The following ADD1 variants were observed in gnomAD, a reference collection of about 807,000 sequenced individuals.
ADD1 encodes the protein adducin 1.
In ADD1, 24 loss-of-function variants were observed where a neutral mutation model predicts 80.5. The ratio of observed to expected loss-of-function variants is 0.30; its 90% CI spans 0.22 to 0.42. ADD1 has a LOEUF of 0.42. Among genes scored for constraint, ADD1 ranks in the 10% least tolerant of loss-of-function variants. ADD1 has a pLI of 1.00. For synonymous variants in ADD1, 373 were observed against 393.8 expected (o/e 0.95, Z 0.63); for missense variants, 948 against 1,019.0 (o/e 0.93, Z 0.95).
intron 1 of ADD1, among the ~76,000 whole-genome samples, chr4:2,859,872 T>G (rs564270257): frequency 6.6e-6 from 1 of 152,316 alleles, no homozygotes; most frequent in South Asian, 2.1e-4. Context: ...ATGACATACT[T>G]TTCCATCTTA....
chr4:2,885,558 C>T (rs899097454), intron 4 of ADD1, among the ~76,000 whole-genome samples: 8 of 151,870 alleles, frequency 5.3e-5, no homozygotes, highest in African/African-American at 1.9e-4. Context: ...AATGTCTTGC[C>T]TTCTGCCTGT....
At chr4:2,869,397 G>GT (rs1460440836) in intron 1 of ADD1, among the ~76,000 whole-genome samples, 1 of 152,168 alleles carries the variant, frequency 6.6e-6, no homozygotes, top group African/African-American at 2.4e-5. Context: ...CTCCCTGTGC[G>GT]TGTCTCTTTG....
chr4:2,921,184 G>C (rs141085627), intron 14 of ADD1, among the ~76,000 whole-genome samples: 1,765 of 152,210 alleles, frequency 0.012, 46 homozygotes, highest in African/African-American at 0.039. Context: ...CTGGAGTGCA[G>C]TGGCGTGATC....
chr4:2,856,098 G>A (rs1728022018), intron 1 of ADD1, among the ~76,000 whole-genome samples: 1 of 148,838 alleles, frequency 6.7e-6, no homozygotes, highest in African/African-American at 2.5e-5. Context: ...CTATTATGTT[G>A]CCCAGGCTGG....
chr4:2,917,524 C>T (rs1177760538), intron 14 of ADD1, among the ~76,000 whole-genome samples: 1 of 152,138 alleles, frequency 6.6e-6, no homozygotes, highest in Non-Finnish European at 1.5e-5. Flanking sequence ...TGCAGAAGCT[C>T]TTTAGTTTAA....
chr4:2,915,068 C>A, intron 14 of ADD1, 28 bp downstream of exon 14: 1 of 1,589,596 alleles, frequency 6.3e-7, no homozygotes, highest in Admixed American at 1.8e-5. Context: ...TGGGCACGGC[C>A]ACTCCAGAAG....
Position 2,926,160 on chromosome 4 carries a change from C to A in ADD1, c.2047+48C>A. 1 of 1,522,360 alleles carries A rather than the reference C, an allele frequency of 6.6e-7. No homozygotes were observed. The highest frequency in any genetic ancestry group is 9.1e-7 in the Non-Finnish European group (1 of 1,097,516). 94.3% of individuals were successfully genotyped at this position (1,522,360 alleles called of 1,614,324 possible). On this transcript the variant is annotated intron_variant, in intron 15 of 15. Transcript: ENST00000683351. This position sits in a 1 kb window ranked among gnomAD's most constrained non-coding sequence, Gnocchi z 5.0. ...CGCCACTGTGGGAGGGTGCACGGCT[C>A]GTGCGCGCTGTGGCGGAATGTGGCG... is the stretch of plus-strand genomic sequence containing the variant.
At chr4:2,900,257 A>G (rs1735954267) in intron 9 of ADD1, 1 of 152,630 alleles carries the variant, frequency 6.6e-6, no homozygotes, top group African/African-American at 2.4e-5. Context: ...TACCAGGATC[A>G]TTAAATACTC....
Position 2,887,580 on chromosome 4 carries a change from T to C in ADD1, c.510+2914T>C, listed in dbSNP as rs370031725. 1.1e-3 allele frequency: 167 copies of C among 152,344 alleles called. 1 individual carries two copies. The highest frequency in any genetic ancestry group is 3.6e-3 in the Admixed American group (55 of 15,304). 9.4% of individuals were successfully genotyped at this position (152,344 alleles called of 1,614,324 possible). On this transcript the variant is annotated intron_variant, in intron 4 of 15. Transcript: ENST00000683351. ...TGTCAGTGGAATGCTGTCAAGGCTT[T>C]GCACCTGCAGAACCTGGCAGGTGCT...
chr4:2,922,576 C>T (rs1188036584), intron 14 of ADD1, among the ~76,000 whole-genome samples: 2 of 152,242 alleles, frequency 1.3e-5, no homozygotes, highest in Admixed American at 1.3e-4. Context: ...TGTCTGTTGA[C>T]CCCTGCCGGG....
intron 3 of ADD1, among the ~76,000 whole-genome samples, chr4:2,883,148 C>A (rs758125553): frequency 2.0e-5 from 3 of 152,194 alleles, no homozygotes; most frequent in Non-Finnish European, 4.4e-5. Flanking sequence ...GAACATGAGC[C>A]ACCACACCTG....
chr4:2,855,696 A>G (rs1038830728), intron 1 of ADD1, among the ~76,000 whole-genome samples: 10 of 151,206 alleles, frequency 6.6e-5, no homozygotes, highest in African/African-American at 1.7e-4. Flanking sequence ...GGAGTGCACA[A>G]GTTTTTTTCT....
chr4:2,921,814 C>G (rs1740097222), intron 14 of ADD1, among the ~76,000 whole-genome samples: 1 of 152,042 alleles, frequency 6.6e-6, no homozygotes, highest in African/African-American at 2.4e-5. Flanking sequence ...TCCCATATTT[C>G]TTGGAGGCTT....
chr4:2,912,884 G>A lies in ADD1; in HGVS notation c.1792-2000G>A, dbSNP rs180725316. Among the ~76,000 whole-genome samples, 167 of 152,228 alleles carry A rather than the reference G, an allele frequency of 1.1e-3. 1 individual carries two copies. The highest frequency in any genetic ancestry group is 3.6e-3 in the Admixed American group (55 of 15,288). On this transcript the variant is annotated intron_variant, in intron 13 of 15. Transcript: ENST00000683351. ...GTTTGAGACGGAGTCTTGCTCTGTT[G>A]CCCAGGTTGGAGTGCAGTGGCGCAA... is the stretch of plus-strand genomic sequence containing the variant.
rs1352150432 is a variant in ADD1, at chr4:2,899,275, G to A, written c.1001G>A (p.Ser334Asn). Reference sequence around the variant, plus strand: ...TTGGAAAAGGTTCGAACTCTGGCCAGTGCAGGAGGACCAGACAACTTAGTC... The same window carrying A: ...TTGGAAAAGGTTCGAACTCTGGCCAATGCAGGAGGACCAGACAACTTAGTC... ...ACEIQVRTLASAGGPDNLVLL... is the reference protein window; with the variant it reads ...ACEIQVRTLANAGGPDNLVLL... The change falls in exon 9 of 16, where the codon AGT (serine) becomes AAT (asparagine). Residue 334 changes from serine to asparagine, a missense_variant. By Grantham distance (46) the Ser-to-Asn change is conservative. Transcript: ENST00000683351. 6.2e-7 allele frequency: 1 copy of A among 1,612,956 alleles called. No individual in the cohort carries two copies. Among genetic ancestry groups the A allele is most frequent in the Admixed American group, 1.7e-5 (1 of 60,004 alleles).
At chr4:2,888,901 T>C (rs1015599916) in intron 4 of ADD1, among the ~76,000 whole-genome samples, 2 of 152,126 alleles carry the variant, frequency 1.3e-5, no homozygotes, top group African/African-American at 4.8e-5. Flanking sequence ...ATATACTGTT[T>C]ACAGCTATAT....
chr4:2,926,442 G>T lies in ADD1; in HGVS notation c.2047+330G>T. On this transcript the variant is annotated intron_variant, in intron 15 of 15. Coordinates refer to ENST00000683351, the MANE Select transcript of ADD1 (RefSeq NM_001354761.2). The surrounding 1 kb of genome is among the most constrained non-coding windows in gnomAD (Gnocchi z 5.0). ...CACCTTCGGAGGTGCCCTCCGCTGT[G>T]TGAGCCACACGCCGGCTGCCTCTCA... 1.4e-6 allele frequency: 1 copy of T among 695,242 alleles called. No individual in the cohort carries two copies. 43.1% of individuals were successfully genotyped at this position (695,242 alleles called of 1,614,324 possible).
intron 1 of ADD1, among the ~76,000 whole-genome samples, chr4:2,868,473 A>G (rs1327963327): frequency 6.6e-6 from 1 of 152,118 alleles, no homozygotes; most frequent in Non-Finnish European, 1.5e-5. Context: ...TACTCTTTCC[A>G]GCGAACTCTC....
At chr4:2,863,330 A>G (rs1729087894) in intron 1 of ADD1, among the ~76,000 whole-genome samples, 1 of 148,654 alleles carries the variant, frequency 6.7e-6, no homozygotes, top group African/African-American at 2.5e-5. Context: ...AGGTGCTGGG[A>G]TTACAGTTGT....
Sources: gnomAD v4.1 joint callset for allele counts (sites outside exome capture counted in the v4.1 genomes callset) on GRCh38, gnomAD v4.1.1 for gene constraint, Gnocchi (gnomAD v3.1) non-coding constraint, MANE v1.5 for transcripts, NCBI Gene and HGNC (gene_info 2026-07-23, HGNC 2026-07-21) for gene names.